Variants in PAH observed in about 807,000 individuals in gnomAD.
PAH encodes the protein phenylalanine-4-hydroxylase.
PAH carries 64 observed loss-of-function variants against 62.0 expected under a neutral mutation model. The ratio of observed to expected loss-of-function variants is 1.03; its 90% CI spans 0.84 to 1.27. The LOEUF (loss-of-function observed/expected upper bound fraction) is 1.27. Ranked by LOEUF, PAH falls within the 50% of genes most tolerant of loss-of-function variation. PAH has a pLI of 0.00. For synonymous variants in PAH, 195 were observed against 196.2 expected, an observed-to-expected ratio of 0.99 and a Z score of 0.05; for missense variants, 579 against 542.8, an observed-to-expected ratio of 1.07 and a Z score of -0.66.
At chr12:102,848,554 C>A (rs1592950448) in intron 8 of PAH, among the ~76,000 whole-genome samples, 2 of 147,082 alleles carry the variant, frequency 1.4e-5, no homozygotes, top group Non-Finnish European at 1.5e-5. Context: ...GACAGGACAC[C>A]AGGAGACTGG....
intron 8 of PAH, among the ~76,000 whole-genome samples, chr12:102,848,848 G>C (rs967084839): frequency 6.6e-6 from 1 of 151,620 alleles, no homozygotes; most frequent in African/African-American, 2.4e-5. Context: ...GCACCGAAAG[G>C]CTGAGGGTTA....
At chr12:102,898,590 A>G (rs1410358031) in intron 2 of PAH, among the ~76,000 whole-genome samples, 1 of 152,210 alleles carries the variant, frequency 6.6e-6, no homozygotes, top group Non-Finnish European at 1.5e-5. Context: ...AACTGTAGTG[A>G]TGCCTTTTCA....
In PAH at chr12:102,841,534, G is replaced by A. The variant is rs187760627; in HGVS notation, c.1200-1019C>T. 4.2e-3 allele frequency among the ~76,000 whole-genome samples: 643 copies of A among 152,176 alleles called. 7 individuals are homozygous for A. Among genetic ancestry groups the A allele is most frequent in the South Asian group, 7.7e-3 (37 of 4,810 alleles). ...ACCCCAATTTCCTCTGTAAAATTGG[G>A]GCATTAGTGGTACCTGCCTCAGGGG... On this transcript the variant is annotated intron_variant, in intron 11 of 12. Transcript: ENST00000553106.
At chr12:102,946,030 A>G (rs903019745) in intron 1 of PAH, 1 of 152,262 alleles carries the variant, frequency 6.6e-6, no homozygotes, top group African/African-American at 2.4e-5. Context: ...CTTCTGTCCC[A>G]GGATGTGTCT....
upstream of PAH, among the ~76,000 whole-genome samples, chr12:102,955,832 A>G (rs1396393137): frequency 6.6e-6 from 1 of 152,172 alleles, no homozygotes; most frequent in Non-Finnish European, 1.5e-5. Context: ...TGAGGCCATC[A>G]AGCCACAGGT....
At chr12:102,840,546 G>C in intron 11 of PAH, 31 bp from the exon 12 acceptor site, 1 of 1,423,226 alleles carries the variant, frequency 7.0e-7, no homozygotes. Context: ...TTGAGTGAAG[G>C]GCACCATTTG....
At chr12:102,905,030 T>G (rs556873387) in intron 2 of PAH, among the ~76,000 whole-genome samples, 2 of 152,324 alleles carry the variant, frequency 1.3e-5, no homozygotes, top group East Asian at 3.9e-4. Flanking sequence ...TCTTCACGCT[T>G]TCTCAAAGAT....
intron 3 of PAH, among the ~76,000 whole-genome samples, chr12:102,878,699 GAAGA>G (rs1876683110): frequency 1.3e-5 from 2 of 151,760 alleles, no homozygotes; most frequent in East Asian, 3.9e-4. Context: ...AGGAAGGAAG[GAAGA>G]AAGAAAAGGA....
At chr12:102,915,875 T>C (rs1374855592) in intron 1 of PAH, among the ~76,000 whole-genome samples, 3 of 152,198 alleles carry the variant, frequency 2.0e-5, no homozygotes, top group African/African-American at 7.2e-5. Context: ...ATTTACTATA[T>C]AACACGACAC....
exon 1 of PAH, chr12:102,958,278 G>A: frequency 6.8e-7 from 1 of 1,474,518 alleles, no homozygotes; most frequent in Admixed American, 2.4e-5. Context: ...GAGCGGCGGC[G>A]CCGGCCAGCA....
chr12:102,877,183 G>C, intron 4 of PAH: 1 of 471,752 alleles, frequency 2.1e-6, no homozygotes. Flanking sequence ...ATGATGATTT[G>C]CATCTGTGTG....
intron 12 of PAH, 46 bp downstream of exon 12, chr12:102,840,354 C>A: frequency 8.9e-7 from 1 of 1,124,106 alleles, no homozygotes; most frequent in South Asian, 1.2e-5. Flanking sequence ...AGACAGTCTT[C>A]GATTACTGAG....
At chr12:102,928,905 T>C (rs965590353) in intron 1 of PAH, among the ~76,000 whole-genome samples, 10 of 152,282 alleles carry the variant, frequency 6.6e-5, no homozygotes, top group South Asian at 4.1e-4. Context: ...ATAACTGCCT[T>C]CCTGAGTTTA....
chr12:102,850,074 A>G (rs1199346037), intron 8 of PAH, among the ~76,000 whole-genome samples: 1 of 152,230 alleles, frequency 6.6e-6, no homozygotes, highest in Non-Finnish European at 1.5e-5. Flanking sequence ...GGTAAGAATA[A>G]AAGGTTCCTA....
At chr12:102,930,941 A>G (rs549787399) in intron 1 of PAH, among the ~76,000 whole-genome samples, 2 of 152,228 alleles carry the variant, frequency 1.3e-5, no homozygotes, top group Non-Finnish European at 2.9e-5. Context: ...AATAATAAAA[A>G]AACAAATTTC....
chr12:102,859,022 A>G (rs1384275018), intron 5 of PAH, among the ~76,000 whole-genome samples: 1 of 152,180 alleles, frequency 6.6e-6, no homozygotes, highest in Non-Finnish European at 1.5e-5. Flanking sequence ...TCAAAAAATC[A>G]ATGAATCCAG....
chr12:102,846,604 A>T (rs1010230332), intron 9 of PAH, among the ~76,000 whole-genome samples: 1 of 152,238 alleles, frequency 6.6e-6, no homozygotes, highest in Non-Finnish European at 1.5e-5. Context: ...TACTTCATAC[A>T]CACACTTTAT....
intron 8 of PAH, 133 bp from the exon 9 acceptor site, chr12:102,847,084 T>G: frequency 1.4e-6 from 1 of 733,982 alleles, no homozygotes; most frequent in South Asian, 1.5e-5. Context: ...CTGAGTGTGT[T>G]ATCAAGTCTT....
intron 2 of PAH, among the ~76,000 whole-genome samples, chr12:102,896,825 G>A (rs984878869): frequency 4.6e-5 from 7 of 152,304 alleles, no homozygotes; most frequent in Admixed American, 2.0e-4. Context: ...GAGGAATATC[G>A]TCTTTAAATC....
Sources: allele counts gnomAD v4.1 joint callset (sites outside exome capture counted in the v4.1 genomes callset), GRCh38; gene constraint gnomAD v4.1.1; transcripts MANE v1.5; gene names NCBI Gene and HGNC (gene_info 2026-07-23, HGNC 2026-07-21).